The following NUP98 variants were observed in gnomAD, a reference collection of about 807,000 sequenced individuals.
The protein encoded by NUP98 is nuclear pore complex protein Nup98-Nup96.
NUP98 carries 26 observed loss-of-function variants against 191.9 expected under a neutral mutation model. The ratio of observed to expected loss-of-function variants is 0.14; its 90% CI spans 0.10 to 0.19. The LOEUF is 0.19. Among genes scored for constraint, NUP98 ranks in the 10% least tolerant of loss-of-function variants. NUP98 has a pLI of 1.00. For missense variants in NUP98, 1,941 were observed against 2,178.8 expected, an observed-to-expected ratio of 0.89 and a Z score of 2.17; for synonymous variants, 808 against 778.4, an observed-to-expected ratio of 1.04 and a Z score of -0.63.
intron 19 of NUP98, 68 bp from the exon 20 acceptor site, chr11:3,712,796 C>T (rs964762383): frequency 1.3e-6 from 2 of 1,501,950 alleles, no homozygotes; most frequent in East Asian, 4.5e-5. Context: ...CCTTTGCAAT[C>T]TTGCAGCATT....
chr11:3,702,326 CTCTCTCT>C lies in NUP98; in HGVS notation c.3512+130_3512+136del, dbSNP rs1414154635. The C allele has an allele frequency of 3.3e-3, 687 of 210,106 alleles. 14 individuals carry two copies. The highest frequency in any genetic ancestry group is 0.022 in the Admixed American group (395 of 17,666). 13.0% of individuals were successfully genotyped at this position (210,106 alleles called of 1,614,324 possible). On this transcript the variant is annotated intron_variant, in intron 23 of 32. Transcript: ENST00000324932. Reference sequence around the variant, plus strand: ...ACACACACACACACTCTCTCTCTCTCTCTCTCTCTCTCTCTCTCTCTCTCTCTCTCTC... The same window carrying C: ...ACACACACACACACTCTCTCTCTCTCCTCTCTCTCTCTCTCTCTCTCTCTC...
intron 1 of NUP98, 117 bp downstream of exon 1, chr11:3,797,283 C>T: frequency 5.0e-6 from 2 of 397,352 alleles, no homozygotes; most frequent in Admixed American, 8.8e-5. Flanking sequence ...AGAAGGTGCG[C>T]GCAGCGGCGC....
chr11:3,779,607 C>T (rs61896893), intron 2 of NUP98, among the ~76,000 whole-genome samples: 7,688 of 149,512 alleles, frequency 0.051, 255 homozygotes, highest in Middle Eastern at 0.099. Context: ...TGCCACTGCA[C>T]TCCAGCCGGG....
At chr11:3,795,704 G>C (rs1050956511) in intron 1 of NUP98, among the ~76,000 whole-genome samples, 1 of 152,124 alleles carries the variant, frequency 6.6e-6, no homozygotes, top group African/African-American at 2.4e-5. Flanking sequence ...AAAATGATAT[G>C]TGCTATAAAT....
chr11:3,736,657 C>A (rs756331949), intron 12 of NUP98, among the ~76,000 whole-genome samples: 4 of 152,140 alleles, frequency 2.6e-5, no homozygotes, highest in Non-Finnish European at 4.4e-5. Flanking sequence ...TTGTAAACAT[C>A]ATGACACATC....
chr11:3,730,085 A>C (rs1229389459), intron 14 of NUP98, among the ~76,000 whole-genome samples: 2 of 151,928 alleles, frequency 1.3e-5, no homozygotes, highest in Non-Finnish European at 2.9e-5. Flanking sequence ...CTACACAAAA[A>C]TTAGCCAGGC....
At chr11:3,732,884 G>T (rs1480871609) in intron 13 of NUP98, among the ~76,000 whole-genome samples, 2 of 152,176 alleles carry the variant, frequency 1.3e-5, no homozygotes, top group African/African-American at 4.8e-5. Flanking sequence ...AGATTGTTGT[G>T]ATCTTTCACA....
chr11:3,744,149 G>A (rs1000261057), intron 12 of NUP98, among the ~76,000 whole-genome samples: 1 of 152,186 alleles, frequency 6.6e-6, no homozygotes, highest in East Asian at 1.9e-4. Flanking sequence ...ATTGGAAGAA[G>A]TAAATAAAGT....
At chr11:3,797,370 C>A (rs1383076610) in intron 1 of NUP98, 30 bp downstream of exon 1, 9 of 401,606 alleles carry the variant, frequency 2.2e-5, no homozygotes, top group South Asian at 1.1e-4. Context: ...CTGCCGGTCT[C>A]GGCCGCTGCA....
intron 11 of NUP98, among the ~76,000 whole-genome samples, chr11:3,752,485 C>G (rs758917521): frequency 4.0e-5 from 6 of 151,576 alleles, no homozygotes; most frequent in African/African-American, 7.3e-5. Context: ...CCACTGCACT[C>G]CAGCCTGAAC....
chr11:3,734,067 C>T (rs2079952362), intron 13 of NUP98, among the ~76,000 whole-genome samples: 1 of 151,128 alleles, frequency 6.6e-6, no homozygotes, highest in Non-Finnish European at 1.5e-5. Context: ...CGAAGTTTCG[C>T]TCTTGTTGCC....
rs1316273265 is a variant in NUP98, at chr11:3,683,453, G to A, written c.4677-12C>T. On this transcript the variant is annotated splice_polypyrimidine_tract_variant and intron_variant, in intron 29 of 32. Transcript: ENST00000324932. ...CCTTCTCACGTATGCTACAGGGAGA[G>A]ATAAGCTAGAATAAATCCCATCCTC... 1.9e-6 allele frequency: 3 copies of A among 1,613,626 alleles called. No homozygotes were observed. Among genetic ancestry groups the A allele is most frequent in the East Asian group, 2.2e-5 (1 of 44,894 alleles).
At chr11:3,749,893 G>A (rs1018038621) in intron 11 of NUP98, among the ~76,000 whole-genome samples, 2 of 152,072 alleles carry the variant, frequency 1.3e-5, no homozygotes, top group African/African-American at 4.8e-5. Flanking sequence ...AACACAAACT[G>A]GTATTTTTGA....
intron 7 of NUP98, among the ~76,000 whole-genome samples, chr11:3,768,986 T>C (rs1272993158): frequency 6.6e-6 from 1 of 152,084 alleles, no homozygotes; most frequent in African/African-American, 2.4e-5. Context: ...TCTTCCCTTG[T>C]AAGTCCACAG....
In NUP98 at chr11:3,683,949, T is replaced by G. The variant is rs553610693; in HGVS notation, c.4677-508A>C. 5.9e-5 allele frequency among the ~76,000 whole-genome samples: 9 copies of G among 152,234 alleles called. No individual in the cohort carries two copies. In the East Asian group the frequency reaches 1.7e-3, roughly 30 times the overall value. On this transcript the variant is annotated intron_variant, in intron 29 of 32. Transcript: ENST00000324932. ...CTGGCCAGGCACAGTGCCTCACGCC[T>G]GTAATCCCAGCACTTTGGGAGGTCA...
chr11:3,785,488 G>A (rs2082112849), intron 1 of NUP98, among the ~76,000 whole-genome samples: 1 of 152,182 alleles, frequency 6.6e-6, no homozygotes, highest in Admixed American at 6.5e-5. Context: ...GCTGGATGCG[G>A]TGGCTCATGC....
intron 8 of NUP98, among the ~76,000 whole-genome samples, chr11:3,766,709 A>AG (rs946115290): frequency 1.3e-5 from 2 of 151,588 alleles, no homozygotes; most frequent in African/African-American, 4.8e-5. Flanking sequence ...AAAAAAAAAA[A>AG]AGAGAGAAGC....
intron 28 of NUP98, among the ~76,000 whole-genome samples, chr11:3,687,528 A>C (rs1404536540): frequency 6.6e-6 from 1 of 152,244 alleles, no homozygotes; most frequent in East Asian, 1.9e-4. Context: ...GTTGAAATTT[A>C]GGTTTGTAAT....
intron 14 of NUP98, among the ~76,000 whole-genome samples, chr11:3,729,809 G>T (rs1030305233): frequency 6.7e-6 from 1 of 148,572 alleles, no homozygotes; most frequent in Non-Finnish European, 1.5e-5. Flanking sequence ...ACAACAAAAT[G>T]TATGTCCTCC....
Sources: gnomAD v4.1 joint callset for allele counts (sites outside exome capture counted in the v4.1 genomes callset) on GRCh38, gnomAD v4.1.1 for gene constraint, MANE v1.5 for transcripts, NCBI Gene and HGNC (gene_info 2026-07-23, HGNC 2026-07-21) for gene names.